The following PIEZO1 variants were observed in gnomAD, a reference collection of about 807,000 sequenced individuals.
The protein encoded by PIEZO1 is piezo type mechanosensitive ion channel component 1 (Er blood group).
PIEZO1 carries 296 observed loss-of-function variants against 297.2 expected under a neutral mutation model. The ratio of observed to expected loss-of-function variants is 1.00; its 90% CI spans 0.91 to 1.10. PIEZO1 has a LOEUF of 1.10. PIEZO1 is among the 50% of genes least tolerant of loss of function. The pLI, the probability that PIEZO1 is intolerant of heterozygous loss-of-function variation, is 0.00. For synonymous variants in PIEZO1, 2,427 were observed against 1,507.5 expected (o/e 1.61, Z -14.13); for missense variants, 5,018 against 3,455.5 (o/e 1.45, Z -11.34).
In PIEZO1 at chr16:88,726,339, G is replaced by A; in HGVS notation, c.3913C>T (p.His1305Tyr). ...TCGGCCCTGACGTGCAGGTAGTAAT[G>A]GCTAAGGAAGACGCGGCGCTGCAGC... is the stretch of plus-strand genomic sequence containing the variant. ...LLLQRRVFLSHYYLHVRADLQ... is the reference protein window; with the variant it reads ...LLLQRRVFLSYYYLHVRADLQ... The change falls in exon 27 of 51, where the codon CAT (histidine) becomes TAT (tyrosine). Residue 1305 changes from histidine (H) to tyrosine (Y), a missense_variant. Transcript: ENST00000301015. 1.3e-6 allele frequency: 2 copies of A among 1,550,428 alleles called. No homozygotes were observed. Among genetic ancestry groups the A allele is most frequent in the Non-Finnish European group, 1.7e-6 (2 of 1,146,946 alleles).
At chr16:88,727,784 C>A (rs1904560448) in intron 22 of PIEZO1, 123 bp from the exon 23 acceptor site, 2 of 477,376 alleles carry the variant, frequency 4.2e-6, no homozygotes, top group Non-Finnish European at 3.8e-6. Flanking sequence ...ACCTCGCGCA[C>A]ACCTGGTGTC....
chr16:88,776,089 G>A (rs1907649218), intron 1 of PIEZO1, among the ~76,000 whole-genome samples: 1 of 152,172 alleles, frequency 6.6e-6, no homozygotes, highest in South Asian at 2.1e-4. Flanking sequence ...TTTCCTTTCA[G>A]GTTAAACACG....
chr16:88,782,624 C>T (rs1431596744), intron 1 of PIEZO1, among the ~76,000 whole-genome samples: 2 of 152,222 alleles, frequency 1.3e-5, no homozygotes, highest in South Asian at 2.1e-4. Context: ...TCTGAGCCAG[C>T]GCAGGCACAC....
intron 22 of PIEZO1, among the ~76,000 whole-genome samples, chr16:88,730,738 G>A (rs1330653093): frequency 6.6e-6 from 1 of 152,172 alleles, no homozygotes; most frequent in African/African-American, 2.4e-5. Flanking sequence ...AGCCAAATAC[G>A]GGGAGATGAT....
intron 1 of PIEZO1, among the ~76,000 whole-genome samples, chr16:88,752,379 G>T (rs918633093): frequency 1.3e-5 from 2 of 152,218 alleles, no homozygotes; most frequent in African/African-American, 4.8e-5. Context: ...CTACTCAGGA[G>T]GCTGGAGCAG....
At chr16:88,772,588 G>A (rs1907473772) in intron 1 of PIEZO1, among the ~76,000 whole-genome samples, 1 of 152,122 alleles carries the variant, frequency 6.6e-6, no homozygotes, top group African/African-American at 2.4e-5. Flanking sequence ...AGACCATCCT[G>A]GACAACATGG....
At chr16:88,779,145 G>A (rs760820756) in intron 1 of PIEZO1, among the ~76,000 whole-genome samples, 11 of 151,208 alleles carry the variant, frequency 7.3e-5, no homozygotes, top group Non-Finnish European at 8.8e-5. Context: ...GGGTTCCGGC[G>A]ATTCTCCTGT....
rs529176809 is a variant in PIEZO1 at position 88,755,555 on chromosome 16, T to C, written c.65-6076A>G. Among the ~76,000 whole-genome samples the C allele has an allele frequency of 3.3e-5, 5 of 152,374 alleles. 1 individual carries two copies. In the South Asian group the frequency reaches 1.0e-3, roughly 32 times the overall value. The stretch of plus-strand genomic sequence containing the variant: ...GAGCTCTACCTGCCTGGAGGCTGCC[T>C]GAGGCCATGTTTCCGTCTGTAAGTT... On this transcript the variant is annotated intron_variant, in intron 1 of 50. Transcript: ENST00000301015.
At position 88,732,549 on chromosome 16, in the gene PIEZO1, G is replaced by C; in HGVS notation, c.2791-14C>G. On this transcript the variant is annotated splice_polypyrimidine_tract_variant and intron_variant, in intron 20 of 50. Coordinates refer to ENST00000301015, the MANE Select transcript of PIEZO1 (RefSeq NM_001142864.4). The stretch of plus-strand genomic sequence containing the variant: ...TTGCAGGTGGTTCTGCGGAGGGCAA[G>C]GGTCAGGGGGCAGCCGGGTACTCGC... The C allele has an allele frequency of 3.9e-6, 6 of 1,543,168 alleles. No homozygotes were observed. The highest frequency in any genetic ancestry group is 5.3e-6 in the Non-Finnish European group (6 of 1,141,132).
chr16:88,717,163 C>A lies in PIEZO1; in HGVS notation c.6520G>T (p.Gly2174Cys), dbSNP rs868075241. 7 of 1,550,918 alleles carry A rather than the reference C, an allele frequency of 4.5e-6. No individual in the cohort carries two copies. Among genetic ancestry groups the A allele is most frequent in the Non-Finnish European group, 6.1e-6 (7 of 1,147,138 alleles). The change falls in exon 45 of 51, where the codon GGC becomes TGC. Residue 2174 changes from glycine (G) to cysteine (C), a missense_variant. By Grantham distance (159) the Gly-to-Cys change is radical. Coordinates refer to ENST00000301015, the MANE Select transcript of PIEZO1 (RefSeq NM_001142864.4). Reference sequence around the variant, plus strand: ...AAGAGGATGATGAGGCCACCCATGCCGTACTTGACGATCTTCTTCTTCTTC... The same window carrying A: ...AAGAGGATGATGAGGCCACCCATGCAGTACTTGACGATCTTCTTCTTCTTC... ...GQKKKKIVKY[G>C]MGGLIILFLI...
At position 88,726,428 on chromosome 16, in the gene PIEZO1, T is replaced by G; in HGVS notation, c.3824A>C (p.Asp1275Ala). The G allele has an allele frequency of 6.4e-7, 1 of 1,550,470 alleles. No homozygotes were observed. Residue 1275 changes from aspartate (D) to alanine (A), a missense_variant, in exon 27 of 51, where the codon GAC (aspartate) becomes GCC (alanine). By Grantham distance (126) the Asp-to-Ala change is moderately radical (BLOSUM62 -2). Transcript: ENST00000301015. ...AGCCTCCTCCACAGGCAGCAGGCAG[T>G]CCTGGTCTCTGTCCATCATCTCCTT... ...DPKEMMDRDQ[D>A]CLLPVEEAGI...
At position 88,736,363 on chromosome 16, in the gene PIEZO1, G is replaced by A. The variant is rs1158561051; in HGVS notation, c.1342C>T (p.Leu448Phe). Residue 448 changes from leucine (L) to phenylalanine (F), a missense_variant, in exon 12 of 51, where the codon CTC becomes TTC. Transcript: ENST00000301015. ...YHSWLTFVLLLWACLIWTVRS... is the reference protein window; with the variant it reads ...YHSWLTFVLLFWACLIWTVRS... ...ACCGTCCAGATGAGGCAGGCCCAGA[G>A]CAGCAGTACGAAGGTCAGCCAGCTG... 5 of 1,549,830 alleles carry A rather than the reference G, an allele frequency of 3.2e-6. No homozygotes were observed. Among genetic ancestry groups the A allele is most frequent in the Non-Finnish European group, 4.4e-6 (5 of 1,146,802 alleles).
chr16:88,753,145 C>G (rs1349276561), intron 1 of PIEZO1, among the ~76,000 whole-genome samples: 1 of 109,910 alleles, frequency 9.1e-6, no homozygotes, highest in African/African-American at 3.6e-5. Context: ...CCCTGCCCCC[C>G]CAGAGCACAA....
rs1026737466 is a variant in PIEZO1 at position 88,715,402 on chromosome 16, G to T, written c.*203C>A. ...AAAAAAAAAACTCTACAGTACACGT[G>T]GGGGACGGCAGCGCCACGCAGGCCG... On this transcript the variant is annotated 3_prime_UTR_variant, in exon 51 of 51. Coordinates refer to ENST00000301015, the MANE Select transcript of PIEZO1 (RefSeq NM_001142864.4). 2.0e-6 allele frequency: 2 copies of T among 999,836 alleles called. No individual in the cohort carries two copies. The highest frequency in any genetic ancestry group is 1.7e-5 in the South Asian group (1 of 60,354). 61.9% of individuals were successfully genotyped at this position (999,836 alleles called of 1,614,324 possible).
rs534495716 is a variant in PIEZO1 at position 88,716,231 on chromosome 16, G to C, written c.7096C>G (p.Pro2366Ala). Residue 2366 changes from proline (P) to alanine (A), a missense_variant, in exon 49 of 51, where the codon CCC becomes GCC. Physicochemically the swap from Pro to Ala is conservative, Grantham distance 27. Coordinates refer to ENST00000301015, the MANE Select transcript of PIEZO1 (RefSeq NM_001142864.4). ...AGCTGCTTCACAGGGTTGGCTTCGG[G>C]CCCGTTGGGGGCACGGATGTACTTG... ...FPKYIRAPNG[P>A]EANPVKQLQP... The C allele has an allele frequency of 6.7e-7, 1 of 1,496,696 alleles. No individual in the cohort carries two copies. Among genetic ancestry groups the C allele is most frequent in the South Asian group, 1.3e-5 (1 of 75,184 alleles). The allele number at this position is 1,496,696 out of a possible 1,614,324, so 92.7% of individuals were successfully genotyped here.
intron 1 of PIEZO1, among the ~76,000 whole-genome samples, chr16:88,773,025 C>T (rs1201730431): frequency 6.6e-6 from 1 of 152,230 alleles, no homozygotes; most frequent in Non-Finnish European, 1.5e-5. Flanking sequence ...GAATGTGAGG[C>T]GGCCTGTCTG....
Position 88,725,637 on chromosome 16 carries a change from T to C in PIEZO1, c.4016A>G (p.His1339Arg). ...NAANLKSIDF[H>R]RRIEEKSLAQ... Reference sequence around the variant, plus strand: ...CAGGGACTTCTCCTCTATCCTGCGGTGAAAGTCAATGCTCTTGAGGTTGGC... The same window carrying C: ...CAGGGACTTCTCCTCTATCCTGCGGCGAAAGTCAATGCTCTTGAGGTTGGC... The change falls in exon 28 of 51, where the codon CAC (histidine) becomes CGC (arginine). Residue 1339 changes from histidine (H) to arginine (R), a missense_variant. Transcript: ENST00000301015. The C allele has an allele frequency of 1.9e-6, 3 of 1,549,590 alleles. No individual in the cohort carries two copies. Among genetic ancestry groups the C allele is most frequent in the African/African-American group, 2.7e-5 (2 of 73,062 alleles).
chr16:88,752,338 C>T (rs1218024303), intron 1 of PIEZO1, among the ~76,000 whole-genome samples: 2 of 152,004 alleles, frequency 1.3e-5, no homozygotes, highest in African/African-American at 2.4e-5. Context: ...AAAAATTAGC[C>T]GGGGATGATG....
intron 1 of PIEZO1, among the ~76,000 whole-genome samples, chr16:88,759,584 C>T (rs1906831534): frequency 1.3e-5 from 2 of 152,162 alleles, no homozygotes; most frequent in Non-Finnish European, 2.9e-5. Context: ...ACAGGCAGCT[C>T]CTGGCGGCCG....
Sources: gnomAD v4.1 joint callset for allele counts (sites outside exome capture counted in the v4.1 genomes callset) on GRCh38, gnomAD v4.1.1 for gene constraint, MANE v1.5 for transcripts, NCBI Gene and HGNC (gene_info 2026-07-23, HGNC 2026-07-21) for gene names.